HNRNPA2B1: variants seen among roughly 807,000 people sequenced by gnomAD.
The protein encoded by HNRNPA2B1 is heterogeneous nuclear ribonucleoproteins A2/B1.
HNRNPA2B1 carries 3 observed loss-of-function variants against 46.3 expected under a neutral mutation model. That is an observed-to-expected ratio of 0.06 (90% CI 0.03 to 0.17). The LOEUF (loss-of-function observed/expected upper bound fraction) is 0.17. Among genes scored for constraint, HNRNPA2B1 ranks in the 10% least tolerant of loss-of-function variants. HNRNPA2B1 has a pLI of 1.00. For missense variants in HNRNPA2B1, 221 were observed against 418.9 expected (o/e 0.53, Z 4.12); for synonymous variants, 225 against 133.8 (o/e 1.68, Z -4.70).
At chr7:26,199,708 A>G (rs1010830715) in intron 1 of HNRNPA2B1, 1 of 151,886 alleles carries the variant, frequency 6.6e-6, no homozygotes, top group African/African-American at 2.4e-5. Context: ...GCCGCGGTTC[A>G]TCTGTCGTTT....
At chr7:26,198,871 G>A (rs1451508267) in intron 1 of HNRNPA2B1, 3 of 152,100 alleles carry the variant, frequency 2.0e-5, no homozygotes, top group Non-Finnish European at 4.4e-5. Context: ...CCAGTTCTAC[G>A]GAGCTCTCCC....
At chr7:26,198,636 A>C (rs1304842867) in intron 1 of HNRNPA2B1, 3 of 152,292 alleles carry the variant, frequency 2.0e-5, no homozygotes, top group Non-Finnish European at 4.4e-5. Flanking sequence ...GAAAAACCTC[A>C]GAGCTGAAAT....
intron 1 of HNRNPA2B1, 78 bp from the exon 2 acceptor site, chr7:26,197,810 G>A (rs371400699): frequency 3.7e-6 from 6 of 1,604,218 alleles, no homozygotes; most frequent in South Asian, 1.1e-5. Flanking sequence ...TTAAATATGA[G>A]GTGACCTGCT....
intron 6 of HNRNPA2B1, among the ~76,000 whole-genome samples, chr7:26,196,141 A>G (rs1690414343): frequency 6.6e-6 from 1 of 152,222 alleles, no homozygotes; most frequent in Non-Finnish European, 1.5e-5. Flanking sequence ...TTTATACGTA[A>G]GAATGACACT....
chr7:26,193,745 T>G, intron 7 of HNRNPA2B1, 51 bp from the exon 8 acceptor site: 3 of 1,461,238 alleles, frequency 2.1e-6, no homozygotes, highest in Non-Finnish European at 2.8e-6. Flanking sequence ...CAATACCATT[T>G]TGAACTGTCT....
In HNRNPA2B1 at chr7:26,193,381, A is replaced by G. The variant is rs756264854; in HGVS notation, c.842-8T>C. The G allele has an allele frequency of 2.5e-6, 4 of 1,609,406 alleles. No homozygotes were observed. The highest frequency in any genetic ancestry group is 3.4e-6 in the Non-Finnish European group (4 of 1,176,012). ...TTCCACTTCCATAATTTCCTATTAA[A>G]AAATTGGAATACTCAGAACAATACA... On this transcript the variant is annotated splice_region_variant and splice_polypyrimidine_tract_variant and intron_variant, in intron 8 of 10. Transcript: ENST00000618183.
In HNRNPA2B1 at chr7:26,191,344, T is replaced by G. The variant is rs1317315988; in HGVS notation, c.*1016A>C. 6.6e-6 allele frequency: 1 copy of G among 152,318 alleles called. No individual in the cohort carries two copies. The highest frequency in any genetic ancestry group is 1.9e-4 in the East Asian group (1 of 5,192). 9.4% of individuals were successfully genotyped at this position (152,318 alleles called of 1,614,324 possible). ...ATGTTAAACTACGTAAGAACCACTATACTGAAAGACCATTTAAGAGTATTA... is the reference window on the plus strand; with the variant it reads ...ATGTTAAACTACGTAAGAACCACTAGACTGAAAGACCATTTAAGAGTATTA... On this transcript the variant is annotated 3_prime_UTR_variant, in exon 11 of 11. Transcript: ENST00000618183.
At chr7:26,199,386 C>T (rs1406826738) in intron 1 of HNRNPA2B1, 1 of 152,212 alleles carries the variant, frequency 6.6e-6, no homozygotes, top group Non-Finnish European at 1.5e-5. Flanking sequence ...CGGCCCAGGC[C>T]CAAAACAGTT....
Position 26,197,347 on chromosome 7 carries a change from C to T in HNRNPA2B1, c.232G>A (p.Val78Ile). Residue 78 changes from valine (V) to isoleucine (I), a missense_variant, in exon 3 of 11, where the codon GTA becomes ATA. This residue lies in a region of HNRNPA2B1 where 78 missense variants were observed against 218.5 expected (regional missense o/e 0.36). Coordinates refer to ENST00000618183, the MANE Select transcript of HNRNPA2B1 (RefSeq NM_002137.4). ...AARPHSIDGRVVEPKRAVARE... is the reference protein window; with the variant it reads ...AARPHSIDGRIVEPKRAVARE... ...GCTACAGCACGTTTTGGCTCAACTACTCTCCCATCAATTGAATGAGGTCTT... is the reference window on the plus strand; with the variant it reads ...GCTACAGCACGTTTTGGCTCAACTATTCTCCCATCAATTGAATGAGGTCTT... 6.2e-7 allele frequency: 1 copy of T among 1,613,708 alleles called. No homozygotes were observed. Among genetic ancestry groups the T allele is most frequent in the Non-Finnish European group, 8.5e-7 (1 of 1,179,812 alleles).
At chr7:26,197,539 A>G in intron 2 of HNRNPA2B1, 78 bp from the exon 3 acceptor site, 1 of 1,566,174 alleles carries the variant, frequency 6.4e-7, no homozygotes, top group South Asian at 1.1e-5. Context: ...ATTTTTTACT[A>G]TGCTGATAGT....
chr7:26,193,779 C>T, intron 7 of HNRNPA2B1, 85 bp from the exon 8 acceptor site: 10 of 1,152,424 alleles, frequency 8.7e-6, no homozygotes, highest in Non-Finnish European at 1.3e-5. Flanking sequence ...TCCAGCTTTC[C>T]AAGTTTCCAT....
intron 1 of HNRNPA2B1, 102 bp downstream of exon 1, chr7:26,200,469 AT>A: frequency 1.7e-6 from 2 of 1,202,902 alleles, no homozygotes; most frequent in Non-Finnish European, 2.5e-6. Context: ...AATTGGTCCG[AT>A]TTCCTGCCTC....
intron 9 of HNRNPA2B1, among the ~76,000 whole-genome samples, chr7:26,192,907 A>C (rs1199080038): frequency 6.6e-6 from 1 of 152,184 alleles, no homozygotes; most frequent in African/African-American, 2.4e-5. Context: ...TAAGCTAAGC[A>C]ATGGTTTGAA....
At chr7:26,194,054 C>T (rs774977123) in intron 7 of HNRNPA2B1, among the ~76,000 whole-genome samples, 2 of 152,098 alleles carry the variant, frequency 1.3e-5, no homozygotes, top group Admixed American at 6.6e-5. Context: ...CCTACTGGCC[C>T]AAAAGATAAA....
In HNRNPA2B1 at chr7:26,197,581, TAA is replaced by T. The variant is rs771780179; in HGVS notation, c.117+39_117+40del. ...CTCCATGATTCACTTAACATACAGC[TAA>T]AAGACTAATATCCAGTAACAATTCA... On this transcript the variant is annotated intron_variant, in intron 2 of 10. Transcript: ENST00000618183. 6 of 1,570,176 alleles carry T rather than the reference TAA, an allele frequency of 3.8e-6. No homozygotes were observed. The African/African-American group carries it at 4.1e-5, about 11-fold the overall frequency.
intron 3 of HNRNPA2B1, 70 bp from the exon 4 acceptor site, chr7:26,197,087 G>C: frequency 7.9e-7 from 1 of 1,262,172 alleles, no homozygotes; most frequent in Non-Finnish European, 1.1e-6. Context: ...GCACCCAACC[G>C]TAGTACCATA....
chr7:26,197,948 T>C, intron 1 of HNRNPA2B1: 17 of 729,070 alleles, frequency 2.3e-5, no homozygotes, highest in South Asian at 1.5e-4. Context: ...AAAAATTGCC[T>C]CAGCTGATCT....
Position 26,196,643 on chromosome 7 carries a change from G to T in HNRNPA2B1, c.491C>A (p.Thr164Asn). 6.2e-7 allele frequency: 1 copy of T among 1,613,236 alleles called. No homozygotes were observed. Among genetic ancestry groups the T allele is most frequent in the Non-Finnish European group, 8.5e-7 (1 of 1,179,318 alleles). Residue 164 changes from threonine (T) to asparagine (N), a missense_variant, in exon 5 of 11, where the codon ACC becomes AAC. Transcript: ENST00000618183. ...TACTTCTGCATTATGACCATTGATG[G>T]TATGGTATTTCTGCACTGGAATGAA... ...VDKIVLQKYHTINGHNAEVRK... is the reference protein window; with the variant it reads ...VDKIVLQKYHNINGHNAEVRK...
intron 1 of HNRNPA2B1, 170 bp downstream of exon 1, chr7:26,200,402 T>C (rs537408192): frequency 1.4e-6 from 1 of 722,554 alleles, no homozygotes; most frequent in East Asian, 2.5e-5. Flanking sequence ...AAGCTGTTTG[T>C]ACGCTCAGGC....
Sources: gnomAD v4.1 joint callset for allele counts (sites outside exome capture counted in the v4.1 genomes callset) on GRCh38, gnomAD v4.1.1 for gene constraint, gnomAD v4.1.1 regional missense constraint, MANE v1.5 for transcripts, NCBI Gene and HGNC (gene_info 2026-07-23, HGNC 2026-07-21) for gene names.